The following ASB14 variants were observed in gnomAD, a reference collection of about 807,000 sequenced individuals.
The protein encoded by ASB14 is ankyrin repeat and SOCS box containing 14.
ASB14 carries 63 observed loss-of-function variants against 55.6 expected under a neutral mutation model. The observed-to-expected ratio is 1.13, with a 90% confidence interval of 0.92 to 1.40. ASB14 has a LOEUF of 1.40. Ranked by LOEUF, ASB14 falls within the 40% of genes most tolerant of loss-of-function variation. The probability of loss-of-function intolerance (pLI) is 0.00; values close to 1 mark genes in which losing one functional copy is unlikely to be tolerated. For missense variants in ASB14, 724 were observed against 710.4 expected (o/e 1.02, Z -0.22); for synonymous variants, 256 against 259.9 (o/e 0.98, Z 0.15).
At chr3:57,291,544 G>C (rs547984426) in intron 2 of ASB14, among the ~76,000 whole-genome samples, 2 of 152,142 alleles carry the variant, frequency 1.3e-5, no homozygotes, top group Admixed American at 6.6e-5. Flanking sequence ...CCCTACTAAG[G>C]TTGAAGATAA....
rs2061053101 is a variant in ASB14, at chr3:57,283,288, T to C, written c.621A>G (p.Ala207=). The C allele has an allele frequency of 6.4e-7, 1 of 1,551,792 alleles. No individual in the cohort carries two copies. The highest frequency in any genetic ancestry group is 8.7e-7 in the Non-Finnish European group (1 of 1,147,058). The change falls in exon 6 of 11, where the codon GCA becomes GCG. Residue 207 remains alanine (A), a synonymous_variant. Transcript: ENST00000487349. ...DMVKLMLVSG[A]HPDPQSTYGF... is the part of the protein sequence containing the mutation. ...CATACGTGCTCTGTGGGTCAGGGTG[T>C]GCCCCAGAAACCAGCATAAGCTTCA...
intron 7 of ASB14, among the ~76,000 whole-genome samples, 157 bp downstream of exon 7, chr3:57,280,145 C>T (rs1454673861): frequency 1.0e-5 from 1 of 98,214 alleles, no homozygotes; most frequent in East Asian, 3.3e-4. Context: ...CACCTGGCGA[C>T]AGAGGGAGAC....
rs2061008101 is a variant in ASB14, at chr3:57,278,415, C to T, written c.1393G>A (p.Val465Ile). The T allele has an allele frequency of 6.2e-7, 1 of 1,613,904 alleles. No individual in the cohort carries two copies. The highest frequency in any genetic ancestry group is 8.5e-7 in the Non-Finnish European group (1 of 1,179,980). Residue 465 changes from valine to isoleucine, a missense_variant, in exon 8 of 11, where the codon GTT (valine) becomes ATT (isoleucine). Transcript: ENST00000487349. Reference protein sequence around the residue: ...HGDKVHPSYTVEGWTSTVIKD... With the variant: ...HGDKVHPSYTIEGWTSTVIKD... ...ATAACTGTAGATGTCCAGCCTTCAACAGTATAGGAAGGATGGACTTTGTCT... is the reference window on the plus strand; with the variant it reads ...ATAACTGTAGATGTCCAGCCTTCAATAGTATAGGAAGGATGGACTTTGTCT...
In ASB14 at chr3:57,277,871, A is replaced by G. The variant is rs144869209; in HGVS notation, c.1481T>C (p.Val494Ala). The G allele has an allele frequency of 3.2e-5, 52 of 1,613,864 alleles. No homozygotes were observed. In the African/African-American group the frequency reaches 5.2e-4, roughly 16 times the overall value. The change falls in exon 9 of 11, where the codon GTT (valine) becomes GCT (alanine). Residue 494 changes from valine (V) to alanine (A), a missense_variant. Transcript: ENST00000487349. Reference sequence around the variant, plus strand: ...AACATAATCAAGCATCACTCGAACAACCTTTCCAGAGAGATGTTGCAGCCA... The same window carrying G: ...AACATAATCAAGCATCACTCGAACAGCCTTTCCAGAGAGATGTTGCAGCCA... Reference protein sequence around the residue: ...LSWLQHLSGKVVRVMLDYVDQ... With the variant: ...LSWLQHLSGKAVRVMLDYVDQ...
intron 2 of ASB14, among the ~76,000 whole-genome samples, 180 bp from the exon 3 acceptor site, chr3:57,289,303 C>A (rs2061109768): frequency 6.6e-6 from 1 of 152,128 alleles, no homozygotes; most frequent in Non-Finnish European, 1.5e-5. Context: ...TGGCCCTTAA[C>A]AAAATTCTAG....
chr3:57,284,094 A>ATGTGTGTGTGTG (rs147304310), intron 5 of ASB14, among the ~76,000 whole-genome samples: 3,928 of 136,406 alleles, frequency 0.029, 115 homozygotes, highest in South Asian at 0.058. Flanking sequence ...AACACTGTGT[A>ATGTGTGTGTGTG]TGTGTGTGTG....
At chr3:57,283,908 A>G (rs1186437881) in intron 5 of ASB14, among the ~76,000 whole-genome samples, 1 of 152,070 alleles carries the variant, frequency 6.6e-6, no homozygotes, top group African/African-American at 2.4e-5. Context: ...TTAAATATGC[A>G]TATCTGGTGG....
At chr3:57,292,131 G>T in intron 1 of ASB14, 27 bp from the exon 2 acceptor site, 2 of 1,195,708 alleles carry the variant, frequency 1.7e-6, no homozygotes, top group Non-Finnish European at 2.2e-6. Context: ...ATGAAATTCA[G>T]AAATCTAGAA....
At chr3:57,270,443 T>C (rs144495926) in intron 10 of ASB14, 12 of 152,760 alleles carry the variant, frequency 7.9e-5, no homozygotes, top group South Asian at 6.2e-4. Flanking sequence ...AAATAAGATA[T>C]TGGAATTTAT....
chr3:57,288,736 A>T lies in ASB14; in HGVS notation c.178+332T>A, dbSNP rs369283945. On this transcript the variant is annotated intron_variant, in intron 3 of 10. Coordinates refer to ENST00000487349, the MANE Select transcript of ASB14 (RefSeq NM_001142733.3). ...TTTTTTTTTTTTTTTTTTTTGTGAG[A>T]CGGAGTCTCGCTCTGTTGCCCAGAC... Among the ~76,000 whole-genome samples, 5 of 64,846 alleles carry T rather than the reference A, an allele frequency of 7.7e-5. 1 individual carries two copies. The highest frequency in any genetic ancestry group is 2.0e-4 in the African/African-American group (5 of 24,848). The allele number at this position is 64,846 out of a possible 152,430, so 42.5% of individuals were successfully genotyped here.
At chr3:57,277,374 G>T (rs907656914) in intron 9 of ASB14, among the ~76,000 whole-genome samples, 1 of 151,940 alleles carries the variant, frequency 6.6e-6, no homozygotes, top group Admixed American at 6.6e-5. Context: ...TTTGTCTTAC[G>T]TGCTACTTTG....
chr3:57,275,175 G>C (rs2060976300), intron 10 of ASB14, among the ~76,000 whole-genome samples: 1 of 152,196 alleles, frequency 6.6e-6, no homozygotes. Flanking sequence ...AGGAGGCTGG[G>C]CACGGTGGCT....
At chr3:57,282,993 T>C (rs529961056) in intron 6 of ASB14, among the ~76,000 whole-genome samples, 3 of 152,336 alleles carry the variant, frequency 2.0e-5, no homozygotes, top group African/African-American at 4.8e-5. Context: ...CTAGTAACTT[T>C]AGGGAAATTA....
At position 57,288,041 on chromosome 3, in the gene ASB14, C is replaced by T. The variant is rs1418021757; in HGVS notation, c.329G>A (p.Trp110Ter). ...ITLSASDPSL[W>*]EQTTHNGETP... ...TTCACCATTGTGAGTGGTTTGCTCC[C>T]ACAGACTGGGGTCTGAAGCTGAAAT... The change falls in exon 5 of 11, where the codon TGG becomes TAG. Residue 110 changes from tryptophan (W) to a stop codon, truncating the protein, a stop_gained. Transcript: ENST00000487349. LOFTEE classifies it high-confidence loss of function. 1 of 1,537,348 alleles carries T rather than the reference C, an allele frequency of 6.5e-7. No individual in the cohort carries two copies. Among genetic ancestry groups the T allele is most frequent in the African/African-American group, 1.4e-5 (1 of 73,174 alleles).
At chr3:57,276,428 A>T in intron 10 of ASB14, 100 bp downstream of exon 10, 2 of 844,700 alleles carry the variant, frequency 2.4e-6, no homozygotes, top group Non-Finnish European at 3.5e-6. Flanking sequence ...GCTACTTTTT[A>T]AAGGACTTAG....
chr3:57,292,332 C>T (rs1437941118), intron 1 of ASB14, among the ~76,000 whole-genome samples: 5 of 152,176 alleles, frequency 3.3e-5, no homozygotes, highest in Non-Finnish European at 1.5e-5. Context: ...TCGGTTAGTG[C>T]CACTCTAACA....
At chr3:57,276,751 C>T (rs774799460) in intron 9 of ASB14, 23 bp from the exon 10 acceptor site, 10 of 1,579,698 alleles carry the variant, frequency 6.3e-6, no homozygotes, top group Non-Finnish European at 6.9e-6. Flanking sequence ...GGCACATTAT[C>T]CAAAGAGAAA....
chr3:57,278,449 G>A lies in ASB14; in HGVS notation c.1359C>T (p.Cys453=), dbSNP rs371701228. 1 of 1,614,188 alleles carries A rather than the reference G, an allele frequency of 6.2e-7. No homozygotes were observed. The highest frequency in any genetic ancestry group is 1.1e-5 in the South Asian group (1 of 91,084). The change falls in exon 8 of 11, where the codon TGC becomes TGT. Residue 453 remains cysteine, a synonymous_variant. Coordinates refer to ENST00000487349, the MANE Select transcript of ASB14 (RefSeq NM_001142733.3). Reference sequence around the variant, plus strand: ...AAGGATGGACTTTGTCTCCATGTGGGCAATCAAAACATCGCTCTGTGTCAT... The same window carrying A: ...AAGGATGGACTTTGTCTCCATGTGGACAATCAAAACATCGCTCTGTGTCAT... ...YGYDTERCFD[C]PHGDKVHPSY...
At position 57,269,006 on chromosome 3, in the gene ASB14, G is replaced by A. The variant is rs1235949232; in HGVS notation, c.*635C>T. On this transcript the variant is annotated 3_prime_UTR_variant, in exon 11 of 11. Coordinates refer to ENST00000487349, the MANE Select transcript of ASB14 (RefSeq NM_001142733.3). ...TGTTATGGGTTGTAGATTGACAGTA[G>A]GAATAGAAAAGAGGAGACAGCTGGG... The A allele has an allele frequency of 6.5e-6, 1 of 152,924 alleles. No homozygotes were observed. The highest frequency in any genetic ancestry group is 1.9e-4 in the East Asian group (1 of 5,212). 9.5% of individuals were successfully genotyped at this position (152,924 alleles called of 1,614,324 possible). A position where few individuals can be genotyped will look rare whatever the true frequency, so the allele number is the denominator to read the frequency against.
Sources: gnomAD v4.1 joint callset for allele counts (sites outside exome capture counted in the v4.1 genomes callset) on GRCh38, gnomAD v4.1.1 for gene constraint, MANE v1.5 for transcripts, NCBI Gene and HGNC (gene_info 2026-07-23, HGNC 2026-07-21) for gene names.